Variants in ASIC2 observed in about 807,000 individuals in gnomAD.
ASIC2 encodes the protein acid-sensing ion channel 2.
A neutral mutation model predicts 57.3 loss-of-function variants in ASIC2; 25 were observed. The ratio of observed to expected loss-of-function variants is 0.44; its 90% CI spans 0.32 to 0.61. The LOEUF (loss-of-function observed/expected upper bound fraction) is 0.61. Among genes scored for constraint, ASIC2 ranks in the 20% least tolerant of loss-of-function variants. The pLI, the probability that ASIC2 is intolerant of heterozygous loss-of-function variation, is 0.06. For missense variants in ASIC2, 641 were observed against 738.1 expected (o/e 0.87, Z 1.52); for synonymous variants, 319 against 307.5 (o/e 1.04, Z -0.39).
intron 1 of ASIC2, among the ~76,000 whole-genome samples, chr17:33,232,763 T>C (rs1567792922): frequency 6.6e-6 from 1 of 152,136 alleles, no homozygotes; most frequent in South Asian, 2.1e-4. Flanking sequence ...AATAAACCCA[T>C]TAATATGCAT....
At position 33,528,882 on chromosome 17, in the gene ASIC2, C is replaced by T. The variant is rs559139221; in HGVS notation, c.556-416815G>A. Among the ~76,000 whole-genome samples the T allele has an allele frequency of 3.9e-5, 6 of 152,314 alleles. No homozygotes were observed. In the East Asian group the frequency reaches 1.2e-3, roughly 29 times the overall value. On this transcript the variant is annotated intron_variant, in intron 1 of 9. Transcript: ENST00000359872. ...GAAAGAAATAGCCACCTTGTGAATT[C>T]CCTGGGCATCAATAGCCCTGGGGAT...
chr17:33,345,703 G>A (rs948459929), intron 1 of ASIC2, among the ~76,000 whole-genome samples: 3 of 152,142 alleles, frequency 2.0e-5, no homozygotes, highest in African/African-American at 4.8e-5. Context: ...AATCATACAG[G>A]GCATTATCAT....
intron 1 of ASIC2, among the ~76,000 whole-genome samples, chr17:33,702,489 C>T (rs4795826): frequency 0.012 from 1,903 of 152,258 alleles, 34 homozygotes; most frequent in Admixed American, 0.052. Flanking sequence ...ATCAAGGGAG[C>T]AGAGCCAGCG....
At chr17:34,147,329 T>A (rs1259700508) in intron 1 of ASIC2, among the ~76,000 whole-genome samples, 1 of 152,232 alleles carries the variant, frequency 6.6e-6, no homozygotes, top group Non-Finnish European at 1.5e-5. Flanking sequence ...GCAAATACGT[T>A]GCTTCTGTTT....
rs61263575 is a variant in ASIC2 at position 33,594,827 on chromosome 17, C to CA, written c.556-482761dup. On this transcript the variant is annotated intron_variant, in intron 1 of 9. Transcript: ENST00000359872. ...TGGGCGACAGAGGGAGACTCCATTT[C>CA]AAAAAAAAAAAAAAAAAGAGCTCTG... Among the ~76,000 whole-genome samples, 534 of 114,106 alleles carry CA rather than the reference C, an allele frequency of 4.7e-3. 3 individuals carry two copies. The highest frequency in any genetic ancestry group is 0.016 in the South Asian group (53 of 3,398). The allele number at this position is 114,106 out of a possible 152,430, so 74.9% of individuals were successfully genotyped here.
chr17:33,344,318 A>C (rs320642), intron 1 of ASIC2, among the ~76,000 whole-genome samples: 134,553 of 152,144 alleles, frequency 0.88, 59,664 homozygotes, highest in East Asian at 1. Context: ...GCAGGGACGT[A>C]CAGATTTGGA....
At chr17:33,634,455 C>CCA (rs1906278933) in intron 1 of ASIC2, among the ~76,000 whole-genome samples, 1 of 152,102 alleles carries the variant, frequency 6.6e-6, no homozygotes, top group Non-Finnish European at 1.5e-5. Flanking sequence ...TACTTTCCTG[C>CCA]CACATGCTAG....
chr17:33,959,732 C>T (rs1904858281), intron 1 of ASIC2, among the ~76,000 whole-genome samples: 1 of 152,214 alleles, frequency 6.6e-6, no homozygotes, highest in South Asian at 2.1e-4. Context: ...TAGATGGCGC[C>T]CACTCAGATT....
rs1907839742 is a variant in ASIC2 at position 34,035,559 on chromosome 17, G to A, written c.555+120419C>T. Reference sequence around the variant, plus strand: ...GATCTAATTAAACTAAAGAGCTTCTGCACATCAAAAGAAACTACCATCGGA... The same window carrying A: ...GATCTAATTAAACTAAAGAGCTTCTACACATCAAAAGAAACTACCATCGGA... On this transcript the variant is annotated intron_variant, in intron 1 of 9. Transcript: ENST00000359872. Among the ~76,000 whole-genome samples, 3 of 151,780 alleles carry A rather than the reference G, an allele frequency of 2.0e-5. No individual in the cohort carries two copies. In the South Asian group the frequency reaches 6.2e-4, roughly 32 times the overall value.
chr17:33,686,317 C>T (rs1908188952), intron 1 of ASIC2, among the ~76,000 whole-genome samples: 1 of 152,116 alleles, frequency 6.6e-6, no homozygotes. Context: ...GGATGGAGAA[C>T]CTATAGGAGG....
chr17:33,425,984 G>T (rs537412201), intron 1 of ASIC2, among the ~76,000 whole-genome samples: 2 of 152,282 alleles, frequency 1.3e-5, no homozygotes, highest in South Asian at 4.1e-4. Flanking sequence ...AGAGAGAGGG[G>T]CTAGTAAGGG....
chr17:33,558,864 T>A (rs902223820), intron 1 of ASIC2, among the ~76,000 whole-genome samples: 1 of 152,082 alleles, frequency 6.6e-6, no homozygotes, highest in African/African-American at 2.4e-5. Context: ...CCTCCCAAAT[T>A]CAAGCAATAC....
At chr17:34,057,732 G>C (rs1908822237) in intron 1 of ASIC2, among the ~76,000 whole-genome samples, 2 of 152,112 alleles carry the variant, frequency 1.3e-5, no homozygotes, top group South Asian at 4.1e-4. Context: ...CTTGGCAATA[G>C]AAACTAAACA....
chr17:34,040,258 G>A (rs1431610036), intron 1 of ASIC2, among the ~76,000 whole-genome samples: 1 of 149,218 alleles, frequency 6.7e-6, no homozygotes, highest in African/African-American at 2.5e-5. Context: ...CGCGGAGGGC[G>A]GGGGTGTCGG....
At chr17:34,034,037 A>T (rs1169342911) in intron 1 of ASIC2, among the ~76,000 whole-genome samples, 1 of 152,202 alleles carries the variant, frequency 6.6e-6, no homozygotes, top group South Asian at 2.1e-4. Context: ...CTGATACCAA[A>T]GCCTGGCAGA....
intron 1 of ASIC2, among the ~76,000 whole-genome samples, chr17:33,277,016 G>C (rs1324862435): frequency 6.6e-6 from 1 of 152,166 alleles, no homozygotes; most frequent in East Asian, 1.9e-4. Context: ...TGGTATTGAT[G>C]TCATTTAGGA....
At chr17:33,803,465 C>A (rs1049457139) in intron 1 of ASIC2, among the ~76,000 whole-genome samples, 16 of 151,982 alleles carry the variant, frequency 1.1e-4, no homozygotes, top group African/African-American at 3.9e-4. Flanking sequence ...TAAGAGTGTA[C>A]CCCAGGGCAT....
intron 1 of ASIC2, among the ~76,000 whole-genome samples, chr17:34,143,329 T>C (rs1912324189): frequency 6.6e-6 from 1 of 152,224 alleles, no homozygotes; most frequent in Non-Finnish European, 1.5e-5. Context: ...TTTGAATATA[T>C]ATAGTATGTC....
intron 1 of ASIC2, among the ~76,000 whole-genome samples, chr17:33,748,879 A>G (rs1454451306): frequency 6.6e-6 from 1 of 152,214 alleles, no homozygotes; most frequent in Non-Finnish European, 1.5e-5. Flanking sequence ...AGGAGCTCAA[A>G]TGGGAAGGAA....
Sources: allele counts gnomAD v4.1 joint callset (sites outside exome capture counted in the v4.1 genomes callset), GRCh38; gene constraint gnomAD v4.1.1; transcripts MANE v1.5; gene names NCBI Gene and HGNC (gene_info 2026-07-23, HGNC 2026-07-21).